The following PPME1 variants were observed in gnomAD, a reference collection of about 807,000 sequenced individuals.
The protein encoded by PPME1 is protein phosphatase methylesterase 1.
Under a neutral mutation model 56.9 loss-of-function variants are expected in PPME1, and 17 were observed. The ratio of observed to expected loss-of-function variants is 0.30; its 90% confidence interval spans 0.20 to 0.45. The LOEUF is 0.45. Among genes scored for constraint, PPME1 ranks in the 20% least tolerant of loss-of-function variants. PPME1 has a pLI of 1.00. For missense variants in PPME1, 357 were observed against 483.2 expected, an observed-to-expected ratio of 0.74 and a Z score of 2.45; for synonymous variants, 122 against 156.2, an observed-to-expected ratio of 0.78 and a Z score of 1.63.
chr11:74,204,217 A>C, intron 2 of PPME1, 136 bp from the exon 3 acceptor site: 1 of 618,502 alleles, frequency 1.6e-6, no homozygotes, highest in Non-Finnish European at 2.8e-6. Context: ...TTAGTGTCTC[A>C]GAAAAGTCTG....
chr11:74,227,587 A>C (rs1858963186), intron 5 of PPME1, among the ~76,000 whole-genome samples: 1 of 152,162 alleles, frequency 6.6e-6, no homozygotes, highest in Non-Finnish European at 1.5e-5. Flanking sequence ...CTGATATTCC[A>C]ATTTCTGTGA....
Position 74,191,844 on chromosome 11 carries a change from AGCCAGGGT to A in PPME1, c.102-11880_102-11873del, listed in dbSNP as rs1857848539. Among the ~76,000 whole-genome samples, 6 of 152,238 alleles carry A rather than the reference AGCCAGGGT, an allele frequency of 3.9e-5. No homozygotes were observed. In the South Asian group the frequency reaches 8.3e-4, roughly 21 times the overall value. The stretch of plus-strand genomic sequence containing the variant: ...CTAGATTTCAGGGCATATATGAGAA[AGCCAGGGT>A]GCCCAGGTAGAAGCCTGCTGCAAGG... On this transcript the variant is annotated intron_variant, in intron 1 of 13. Transcript: ENST00000328257.
At chr11:74,251,348 C>T (rs1859654890) in intron 12 of PPME1, 6 of 1,355,084 alleles carry the variant, frequency 4.4e-6, no homozygotes, top group Non-Finnish European at 5.7e-6. Flanking sequence ...ACCACAGGCA[C>T]AGTTAGGAAT....
Position 74,213,185 on chromosome 11 carries a change from G to A in PPME1, c.288+8740G>A, listed in dbSNP as rs549369860. On this transcript the variant is annotated intron_variant, in intron 3 of 13. Transcript: ENST00000328257. ...GCCCTTAGGCCATGAATAAACACTG[G>A]TGGTAGCCAGGCAGTACTTGCCATG... is the stretch of plus-strand genomic sequence containing the variant. 3.9e-5 allele frequency among the ~76,000 whole-genome samples: 6 copies of A among 152,296 alleles called. No homozygotes were observed. The East Asian group carries it at 5.8e-4, about 15-fold the overall frequency.
chr11:74,193,550 C>G (rs12286474), intron 1 of PPME1, among the ~76,000 whole-genome samples: 2 of 152,270 alleles, frequency 1.3e-5, no homozygotes, highest in Non-Finnish European at 2.9e-5. Flanking sequence ...TCAACCTGTA[C>G]GGCCTCTTCA....
chr11:74,244,142 A>T (rs1165416705), intron 9 of PPME1, among the ~76,000 whole-genome samples: 1 of 152,194 alleles, frequency 6.6e-6, no homozygotes, highest in East Asian at 1.9e-4. Flanking sequence ...ATATATGTAT[A>T]TACCACATTT....
chr11:74,248,110 A>G (rs1171034090), intron 11 of PPME1: 1 of 152,514 alleles, frequency 6.6e-6, no homozygotes, highest in Non-Finnish European at 1.5e-5. Flanking sequence ...TAGCTAGATA[A>G]CAGTGGAGGC....
chr11:74,178,604 A>C (rs142926500), intron 1 of PPME1, among the ~76,000 whole-genome samples: 1 of 152,172 alleles, frequency 6.6e-6, no homozygotes, highest in South Asian at 2.1e-4. Context: ...TCTGATTTCA[A>C]CTTCCCTACT....
In PPME1 at chr11:74,233,827, A is replaced by G. The variant is rs186170657; in HGVS notation, c.645-2074A>G. Among the ~76,000 whole-genome samples the G allele has an allele frequency of 2.5e-3, 375 of 152,296 alleles. 1 individual carries two copies. The highest frequency in any genetic ancestry group is 8.7e-3 in the African/African-American group (363 of 41,544). On this transcript the variant is annotated intron_variant, in intron 7 of 13. Transcript: ENST00000328257. ...ACAGAGTGAGACCTTGTCTCGAAAC[A>G]AAACAAAAAAGTTAGGGGAAACCTG...
intron 7 of PPME1, among the ~76,000 whole-genome samples, chr11:74,235,037 TGAG>T (rs1382912207): frequency 2.0e-5 from 3 of 152,252 alleles, no homozygotes; most frequent in Admixed American, 1.3e-4. Context: ...AGTTAAAAGA[TGAG>T]GTAATAGTTC....
At chr11:74,186,227 G>C (rs1462374936) in intron 1 of PPME1, among the ~76,000 whole-genome samples, 1 of 152,058 alleles carries the variant, frequency 6.6e-6, no homozygotes, top group African/African-American at 2.4e-5. Flanking sequence ...TCACTCTTCA[G>C]CTCCCTGTGA....
At chr11:74,227,315 AG>A (rs1419363611) in intron 5 of PPME1, among the ~76,000 whole-genome samples, 1 of 152,158 alleles carries the variant, frequency 6.6e-6, no homozygotes, top group Non-Finnish European at 1.5e-5. Flanking sequence ...ATTGGAGTTG[AG>A]GTAGTAAGTT....
intron 3 of PPME1, among the ~76,000 whole-genome samples, chr11:74,216,028 G>C (rs1264370890): frequency 6.6e-6 from 1 of 152,216 alleles, no homozygotes; most frequent in Admixed American, 6.5e-5. Flanking sequence ...GCTGAAGAGG[G>C]AGAGATGGGC....
At position 74,171,326 on chromosome 11, in the gene PPME1, C is replaced by A; in HGVS notation, c.-96C>A. On this transcript the variant is annotated 5_prime_UTR_variant, in exon 1 of 14. Transcript: ENST00000328257. ...TGGGTGCTGTCCAAAGGCGACAGGG[C>A]GTCGTTAGGGGAGCGAGTCGTGACC... is the stretch of plus-strand genomic sequence containing the variant. 3 of 1,513,194 alleles carry A rather than the reference C, an allele frequency of 2.0e-6. No homozygotes were observed. The highest frequency in any genetic ancestry group is 2.7e-6 in the Non-Finnish European group (3 of 1,128,988). 93.7% of individuals were successfully genotyped at this position (1,513,194 alleles called of 1,614,324 possible). A position where few individuals can be genotyped will look rare whatever the true frequency, so the allele number is the denominator to read the frequency against.
chr11:74,214,828 A>G (rs551196885), intron 3 of PPME1, among the ~76,000 whole-genome samples: 1 of 152,364 alleles, frequency 6.6e-6, no homozygotes, highest in African/African-American at 2.4e-5. Context: ...TGCTAAAGGT[A>G]GTTCTTGCAT....
chr11:74,220,220 A>G, intron 3 of PPME1, among the ~76,000 whole-genome samples: 1 of 152,198 alleles, frequency 6.6e-6, no homozygotes, highest in South Asian at 2.1e-4. Flanking sequence ...ATATTTTCCC[A>G]GCCGACTTCT....
rs970804085 is a variant in PPME1 at position 74,239,237 on chromosome 11, A to G, written c.815A>G (p.Lys272Arg). The G allele has an allele frequency of 2.5e-6, 4 of 1,613,242 alleles. No homozygotes were observed. Among genetic ancestry groups the G allele is most frequent in the South Asian group, 1.1e-5 (1 of 90,982 alleles). ...EEGSESISKR[K>R]KEDDMETKKD... is the part of the protein sequence containing the mutation. ...GGAAGTGAGTCTATAAGCAAGAGGAAAAAGGAAGATGACATGGAGGTGGGT... is the reference window on the plus strand; with the variant it reads ...GGAAGTGAGTCTATAAGCAAGAGGAGAAAGGAAGATGACATGGAGGTGGGT... Residue 272 changes from lysine (K) to arginine (R), a missense_variant, in exon 9 of 14, where the codon AAA becomes AGA. This residue lies in a region of PPME1 where 182 missense variants were observed against 293.8 expected (regional missense o/e 0.62). Transcript: ENST00000328257.
At chr11:74,183,685 C>T (rs926601071) in intron 1 of PPME1, among the ~76,000 whole-genome samples, 3 of 152,074 alleles carry the variant, frequency 2.0e-5, no homozygotes, top group Non-Finnish European at 2.9e-5. Flanking sequence ...AGTTTTTCAT[C>T]TTACAAATTC....
chr11:74,205,588 T>C (rs1057427833), intron 3 of PPME1: 1 of 152,226 alleles, frequency 6.6e-6, no homozygotes, highest in Non-Finnish European at 1.5e-5. Flanking sequence ...GCGGGGATTA[T>C]TGGGGTTAAG....
Sources: allele counts gnomAD v4.1 joint callset (sites outside exome capture counted in the v4.1 genomes callset), GRCh38; gene constraint gnomAD v4.1.1; regional missense constraint gnomAD v4.1.1; transcripts MANE v1.5; gene names NCBI Gene and HGNC (gene_info 2026-07-23, HGNC 2026-07-21).